The following SLC1A2 variants were observed in gnomAD, a reference collection of about 807,000 sequenced individuals.
The protein encoded by SLC1A2 is solute carrier family 1 member 2, also known as excitatory amino acid transporter 2.
Under a neutral mutation model 48.8 loss-of-function variants are expected in SLC1A2, and 15 were observed. That is an observed-to-expected ratio of 0.31 (90% CI 0.21 to 0.47). The LOEUF is 0.47. Ranked by LOEUF, SLC1A2 falls within the 20% of genes least tolerant of loss-of-function variation. SLC1A2 has a pLI of 0.99. For missense variants in SLC1A2, 502 were observed against 730.5 expected, an observed-to-expected ratio of 0.69 and a Z score of 3.61; for synonymous variants, 279 against 272.6, an observed-to-expected ratio of 1.02 and a Z score of -0.23.
intron 3 of SLC1A2, 105 bp from the exon 4 acceptor site, chr11:35,312,553 T>C: frequency 1.5e-6 from 2 of 1,301,308 alleles, no homozygotes; most frequent in Non-Finnish European, 2.1e-6. Flanking sequence ...AATGTGTTAA[T>C]GGTTGATTAA....
At chr11:35,292,772 A>G (rs536031762) in intron 6 of SLC1A2, among the ~76,000 whole-genome samples, 1 of 152,336 alleles carries the variant, frequency 6.6e-6, no homozygotes, top group Admixed American at 6.5e-5. Flanking sequence ...AGTTCTAGGA[A>G]TAAAGGAGAG....
chr11:35,295,851 G>T (rs1851155439), intron 6 of SLC1A2, among the ~76,000 whole-genome samples: 1 of 152,298 alleles, frequency 6.6e-6, no homozygotes, highest in Middle Eastern at 3.4e-3. Context: ...AAGCTACCTA[G>T]AATTCAGTCG....
chr11:35,333,003 A>C (rs1852479792), intron 1 of SLC1A2, among the ~76,000 whole-genome samples: 1 of 152,164 alleles, frequency 6.6e-6, no homozygotes. Context: ...ACAACTGCCA[A>C]CTGTTCCTCA....
intron 3 of SLC1A2, 33 bp from the exon 4 acceptor site, chr11:35,312,481 C>A (rs369969064): frequency 3.8e-5 from 62 of 1,610,992 alleles, no homozygotes; most frequent in Non-Finnish European, 4.9e-5. Flanking sequence ...AGGATTAATT[C>A]TATTACGTTT....
chr11:35,338,109 CA>C (rs1459432079), intron 1 of SLC1A2, among the ~76,000 whole-genome samples: 1 of 152,150 alleles, frequency 6.6e-6, no homozygotes, highest in African/African-American at 2.4e-5. Flanking sequence ...AGCCATGGGC[CA>C]AATCCAGTCA....
intron 10 of SLC1A2, chr11:35,263,946 A>G (rs899595941): frequency 6.6e-6 from 1 of 152,228 alleles, no homozygotes; most frequent in Non-Finnish European, 1.5e-5. Context: ...AGCCATTCAC[A>G]AGATTATTGA....
intron 1 of SLC1A2, among the ~76,000 whole-genome samples, chr11:35,349,870 A>C (rs772898162): frequency 2.6e-5 from 4 of 152,130 alleles, no homozygotes; most frequent in Non-Finnish European, 4.4e-5. Context: ...TTTTGTACTT[A>C]TGTTTTCCAG....
chr11:35,338,985 G>A (rs1472659366), intron 1 of SLC1A2, among the ~76,000 whole-genome samples: 3 of 152,140 alleles, frequency 2.0e-5, no homozygotes, highest in Non-Finnish European at 4.4e-5. Flanking sequence ...CACAACCAAC[G>A]GGTGATTTTC....
chr11:35,256,111 T>C lies in SLC1A2; in HGVS notation c.*4783A>G, dbSNP rs1950311634. The stretch of plus-strand genomic sequence containing the variant: ...CCTTCACTTTTCATATGGGAGAAAA[T>C]GAGGCTTGGACACAAAATGACTTAT... On this transcript the variant is annotated 3_prime_UTR_variant, in exon 11 of 11. Transcript: ENST00000278379. 6.6e-6 allele frequency: 1 copy of C among 152,180 alleles called. No individual in the cohort carries two copies. The highest frequency in any genetic ancestry group is 2.1e-4 in the South Asian group (1 of 4,834). The allele number at this position is 152,180 out of a possible 1,614,324, so 9.4% of individuals were successfully genotyped here. A position where few individuals can be genotyped will look rare whatever the true frequency, so the allele number is the denominator to read the frequency against.
At chr11:35,316,824 G>C (rs973546859) in intron 2 of SLC1A2, 4 of 152,660 alleles carry the variant, frequency 2.6e-5, no homozygotes, top group Non-Finnish European at 5.9e-5. Flanking sequence ...TGAAGCAGAG[G>C]AGGAAGAGGA....
chr11:35,372,256 G>T (rs188788758), intron 1 of SLC1A2, among the ~76,000 whole-genome samples: 2 of 152,306 alleles, frequency 1.3e-5, no homozygotes, highest in Admixed American at 1.3e-4. Context: ...AGCTGGACCA[G>T]ACCCTCCTCA....
chr11:35,396,691 A>G (rs949764106), intron 1 of SLC1A2, among the ~76,000 whole-genome samples: 2 of 151,952 alleles, frequency 1.3e-5, no homozygotes, highest in African/African-American at 2.4e-5. Context: ...ATTAGATCCC[A>G]TTTGTCAATT....
chr11:35,351,824 C>T (rs1317681587), intron 1 of SLC1A2, among the ~76,000 whole-genome samples: 4 of 152,086 alleles, frequency 2.6e-5, no homozygotes, highest in East Asian at 1.9e-4. Flanking sequence ...TTAGTAGAGA[C>T]GGGGTTTCAC....
intron 7 of SLC1A2, among the ~76,000 whole-genome samples, chr11:35,287,616 C>T (rs535294561): frequency 9.1e-4 from 139 of 152,310 alleles, no homozygotes; most frequent in Non-Finnish European, 1.7e-3. Flanking sequence ...AGCATGTGCT[C>T]ATTAGCAAAT....
rs545699973 is a variant in SLC1A2, at chr11:35,398,283, G to A, written c.17+20667C>T. Among the ~76,000 whole-genome samples the A allele has an allele frequency of 1.9e-3, 293 of 152,294 alleles. 1 individual carries two copies. Among genetic ancestry groups the A allele is most frequent in the Middle Eastern group, 0.01 (3 of 294 alleles). ...CCTAGATGCCCATCAATGGTGAAGTGGATAAAGAAAATGTGGTACATATAC... is the reference window on the plus strand; with the variant it reads ...CCTAGATGCCCATCAATGGTGAAGTAGATAAAGAAAATGTGGTACATATAC... On this transcript the variant is annotated intron_variant, in intron 1 of 10. Coordinates refer to ENST00000278379, the MANE Select transcript of SLC1A2 (RefSeq NM_004171.4).
intron 1 of SLC1A2, among the ~76,000 whole-genome samples, chr11:35,362,306 C>A (rs986026428): frequency 3.9e-5 from 6 of 152,324 alleles, no homozygotes; most frequent in Non-Finnish European, 7.4e-5. Flanking sequence ...CCATTTCAAT[C>A]CCAATCTGAA....
intron 1 of SLC1A2, among the ~76,000 whole-genome samples, chr11:35,405,236 GAAAACACAC>G (rs764024859): frequency 1.6e-4 from 24 of 152,126 alleles, no homozygotes; most frequent in Non-Finnish European, 3.1e-4. Context: ...TAGGTTGCTG[GAAAACACAC>G]ATACCAACTA....
intron 1 of SLC1A2, among the ~76,000 whole-genome samples, chr11:35,374,781 A>G (rs1323417621): frequency 6.6e-6 from 1 of 152,160 alleles, no homozygotes; most frequent in Admixed American, 6.5e-5. Flanking sequence ...TTTAATAACT[A>G]TTATCTTATA....
At chr11:35,366,647 G>A (rs1853859433) in intron 1 of SLC1A2, among the ~76,000 whole-genome samples, 1 of 152,070 alleles carries the variant, frequency 6.6e-6, no homozygotes, top group African/African-American at 2.4e-5. Flanking sequence ...CCTGATTGAT[G>A]TTTCCTATAT....
Sources: gnomAD v4.1 joint callset for allele counts (sites outside exome capture counted in the v4.1 genomes callset) on GRCh38, gnomAD v4.1.1 for gene constraint, MANE v1.5 for transcripts, NCBI Gene and HGNC (gene_info 2026-07-23, HGNC 2026-07-21) for gene names.